The following SHLD1 variants were observed in gnomAD, a reference collection of about 807,000 sequenced individuals.
SHLD1 encodes the protein RINN1-REV7-interacting novel NHEJ regulator 3.
In SHLD1, 3 loss-of-function variants were observed where a neutral mutation model predicts 5.5. The ratio of observed to expected loss-of-function variants is 0.54; its 90% CI spans 0.25 to 1.40. The LOEUF (loss-of-function observed/expected upper bound fraction) is 1.40. SHLD1 is among the 40% of genes most tolerant of loss of function. The pLI is 0.15. For synonymous variants in SHLD1, 92 were observed against 94.3 expected (o/e 0.98, Z 0.14); for missense variants, 210 against 244.4 (o/e 0.86, Z 0.94).
At chr20:5,817,432 C>CTGTGTGTGTGTG (rs1190340129) in intron 2 of SHLD1, among the ~76,000 whole-genome samples, 160 of 85,658 alleles carry the variant, frequency 1.9e-3, no homozygotes, top group African/African-American at 8.7e-3. Flanking sequence ...CTCTCTCTCT[C>CTGTGTGTGTGTG]TGTGTGTGTG....
At chr20:5,758,228 G>A (rs1984237144) in intron 1 of SHLD1, among the ~76,000 whole-genome samples, 1 of 149,588 alleles carries the variant, frequency 6.7e-6, no homozygotes, top group South Asian at 2.2e-4. Flanking sequence ...GGGACAGTGA[G>A]GGGGCCTGAG....
At chr20:5,852,444 C>CCTTCCTTCCTTCCTTCCTTCCTTCCT in intron 2 of SHLD1, among the ~76,000 whole-genome samples, 2 of 149,562 alleles carry the variant, frequency 1.3e-5, no homozygotes, top group African/African-American at 4.9e-5. Flanking sequence ...TTCCTTCCTT[C>CCTTCCTTCCTTCCTTCCTTCCTTCCT]TCTCTCTCTC....
rs150458956 is a variant in SHLD1, at chr20:5,780,273, C to T, written c.178+7230C>T. ...AATTACAGGTGTGAGCCAGTGCACC[C>T]GGCTTGACTGTAAGAGTTCAGTCAT... On this transcript the variant is annotated intron_variant, in intron 2 of 2. Transcript: ENST00000303142. Among the ~76,000 whole-genome samples, 299 of 152,198 alleles carry T rather than the reference C, an allele frequency of 2.0e-3. 6 individuals are homozygous for T. In the East Asian group the frequency reaches 0.043, roughly 22 times the overall value.
chr20:5,763,119 C>A (rs755835328), intron 1 of SHLD1, among the ~76,000 whole-genome samples: 5 of 151,768 alleles, frequency 3.3e-5, no homozygotes, highest in Non-Finnish European at 5.9e-5. Context: ...CCAGCCTGAC[C>A]AACACGCAGA....
At position 5,769,988 on chromosome 20, in the gene SHLD1, G is replaced by T. The variant is rs1025501532; in HGVS notation, c.-4-2874G>T. 2.4e-5 allele frequency among the ~76,000 whole-genome samples: 3 copies of T among 124,792 alleles called. No individual in the cohort carries two copies. The East Asian group carries it at 7.5e-4, about 31-fold the overall frequency. 81.9% of individuals were successfully genotyped at this position (124,792 alleles called of 152,430 possible). The stretch of plus-strand genomic sequence containing the variant: ...CATTGCACTCCAGCCTGGGCAACAA[G>T]AGTGAAACTCCTTCTCAAAAAAAAA... On this transcript the variant is annotated intron_variant, in intron 1 of 2. Coordinates refer to ENST00000303142, the MANE Select transcript of SHLD1 (RefSeq NM_152504.4).
chr20:5,831,334 GAA>G (rs1376451621), intron 2 of SHLD1, among the ~76,000 whole-genome samples: 1 of 152,202 alleles, frequency 6.6e-6, no homozygotes, highest in East Asian at 1.9e-4. Context: ...TTGGCTCAGT[GAA>G]GTCTTTATAG....
chr20:5,847,046 G>A (rs1270875302), intron 2 of SHLD1, among the ~76,000 whole-genome samples: 2 of 151,730 alleles, frequency 1.3e-5, no homozygotes, highest in East Asian at 3.9e-4. Flanking sequence ...ACCAGCACTT[G>A]TTCTAATGAC....
At chr20:5,793,714 T>C (rs1050112345) in intron 2 of SHLD1, among the ~76,000 whole-genome samples, 1 of 152,180 alleles carries the variant, frequency 6.6e-6, no homozygotes, top group Admixed American at 6.5e-5. Context: ...ATTGTATTCC[T>C]TTCTCTCTGG....
intron 1 of SHLD1, chr20:5,765,210 A>T (rs887660791): frequency 6.6e-6 from 1 of 150,914 alleles, no homozygotes; most frequent in Non-Finnish European, 1.5e-5. Context: ...CGCAGAAAAA[A>T]AAAAGAATAT....
intron 2 of SHLD1, among the ~76,000 whole-genome samples, chr20:5,818,897 C>G (rs2087572499): frequency 6.6e-6 from 1 of 152,054 alleles, no homozygotes. Flanking sequence ...GAGTCTTGCT[C>G]CATTGTCCAG....
At chr20:5,812,074 T>C (rs78457656) in intron 2 of SHLD1, among the ~76,000 whole-genome samples, 2,510 of 150,178 alleles carry the variant, frequency 0.017, 61 homozygotes, top group African/African-American at 0.059. Flanking sequence ...TTTTTCTTTT[T>C]TTTTTCTTTT....
rs761955136 is a variant in SHLD1, at chr20:5,863,120, A to G, written c.275A>G (p.Asp92Gly). Residue 92 changes from aspartate (D) to glycine (G), a missense_variant, in exon 3 of 3, where the codon GAT becomes GGT. Transcript: ENST00000303142. ...AVKGQSEKEE[D>G]DGLRKSLDRF... is the part of the protein sequence containing the mutation. ...AAAGGCCAGTCAGAGAAGGAAGAGG[A>G]TGATGGCCTTCGGAAATCCCTGGAT... is the stretch of plus-strand genomic sequence containing the variant. 1.2e-6 allele frequency: 2 copies of G among 1,614,200 alleles called. No homozygotes were observed. Among genetic ancestry groups the G allele is most frequent in the Non-Finnish European group, 1.7e-6 (2 of 1,180,032 alleles).
At chr20:5,791,331 G>A (rs529686645) in intron 2 of SHLD1, among the ~76,000 whole-genome samples, 52 of 152,206 alleles carry the variant, frequency 3.4e-4, no homozygotes, top group African/African-American at 1.2e-3. Context: ...CTGGGAGGCT[G>A]AGGCAGTAGA....
At chr20:5,850,747 C>T (rs76446423) in intron 2 of SHLD1, among the ~76,000 whole-genome samples, 2 of 152,130 alleles carry the variant, frequency 1.3e-5, no homozygotes, top group East Asian at 1.9e-4. Flanking sequence ...CCTGACCTCG[C>T]GATCTTCTTG....
intron 2 of SHLD1, among the ~76,000 whole-genome samples, chr20:5,832,098 G>GC (rs1192885810): frequency 6.6e-6 from 1 of 152,190 alleles, no homozygotes; most frequent in Non-Finnish European, 1.5e-5. Context: ...GCACCACTGC[G>GC]CCCAGCAAAT....
In SHLD1 at chr20:5,762,584, A is replaced by G. The variant is rs138090838; in HGVS notation, c.-4-10278A>G. The stretch of plus-strand genomic sequence containing the variant: ...ATTTGGGGACCAGTGCCTGCTCAAC[A>G]CTTTTTGGGTACTTGCTGAGTCCCT... On this transcript the variant is annotated intron_variant, in intron 1 of 2. Coordinates refer to ENST00000303142, the MANE Select transcript of SHLD1 (RefSeq NM_152504.4). 3.5e-3 allele frequency among the ~76,000 whole-genome samples: 528 copies of G among 152,224 alleles called. 4 individuals carry two copies. The highest frequency in any genetic ancestry group is 0.012 in the African/African-American group (496 of 41,524).
rs1240198476 is a variant in SHLD1 at position 5,761,424 on chromosome 20, A to T, written c.-5+10945A>T. Among the ~76,000 whole-genome samples, 5 of 142,230 alleles carry T rather than the reference A, an allele frequency of 3.5e-5. No individual in the cohort carries two copies. In the South Asian group the frequency reaches 6.6e-4, roughly 19 times the overall value. The allele number at this position is 142,230 out of a possible 152,430, so 93.3% of individuals were successfully genotyped here. The stretch of plus-strand genomic sequence containing the variant: ...GTATCCCAGGACTTAAAGTAAAATT[A>T]AAAAAAAAAAAAGGATGAAAGAAAC... On this transcript the variant is annotated intron_variant, in intron 1 of 2. Coordinates refer to ENST00000303142, the MANE Select transcript of SHLD1 (RefSeq NM_152504.4).
At chr20:5,813,638 G>A (rs1223327052) in intron 2 of SHLD1, among the ~76,000 whole-genome samples, 4 of 152,140 alleles carry the variant, frequency 2.6e-5, no homozygotes, top group Non-Finnish European at 5.9e-5. Context: ...ATGATGGCCT[G>A]GATAGGTTTC....
rs548974888 is a variant in SHLD1 at position 5,772,802 on chromosome 20, A to G, written c.-4-60A>G. On this transcript the variant is annotated intron_variant, in intron 1 of 2. Coordinates refer to ENST00000303142, the MANE Select transcript of SHLD1 (RefSeq NM_152504.4). ...TAAAATTCTTCAAGCTCTGTCTCCA[A>G]TGAAGGATCCTGCTATGTGGTGCCT... is the stretch of plus-strand genomic sequence containing the variant. The G allele has an allele frequency of 5.1e-4, 720 of 1,417,940 alleles. 5 individuals carry two copies. The South Asian group carries it at 6.2e-3, about 12-fold the overall frequency. 87.8% of individuals were successfully genotyped at this position (1,417,940 alleles called of 1,614,324 possible).
Sources: allele counts gnomAD v4.1 joint callset (sites outside exome capture counted in the v4.1 genomes callset), GRCh38; gene constraint gnomAD v4.1.1; transcripts MANE v1.5; gene names NCBI Gene and HGNC (gene_info 2026-07-23, HGNC 2026-07-21).